Variants in RUNDC3A observed in about 807,000 individuals in gnomAD.
RUNDC3A encodes RUN domain-containing protein 3A.
In RUNDC3A, 28 loss-of-function variants were observed where a neutral mutation model predicts 53.9. The observed-to-expected ratio is 0.52, with a 90% CI of 0.38 to 0.71. RUNDC3A has a LOEUF of 0.71. Among genes scored for constraint, RUNDC3A ranks in the 30% least tolerant of loss-of-function variants. RUNDC3A has a pLI of 0.00. For missense variants in RUNDC3A, 491 were observed against 597.3 expected (o/e 0.82, Z 1.85); for synonymous variants, 232 against 249.4 (o/e 0.93, Z 0.66).
chr17:44,318,071 G>T, intron 10 of RUNDC3A, 25 bp from the exon 11 acceptor site: 1 of 1,547,976 alleles, frequency 6.5e-7, no homozygotes. Flanking sequence ...CTGGTCGCTT[G>T]GCCTCACCTG....
At chr17:44,312,522 C>A in intron 1 of RUNDC3A, 58 bp from the exon 2 acceptor site, 1 of 963,468 alleles carries the variant, frequency 1.0e-6, no homozygotes, top group Non-Finnish European at 1.6e-6. Context: ...TCTCTCCCTC[C>A]ATCACCTGTT....
At chr17:44,311,928 C>A (rs964603106) in intron 1 of RUNDC3A, among the ~76,000 whole-genome samples, 1 of 152,206 alleles carries the variant, frequency 6.6e-6, no homozygotes, top group African/African-American at 2.4e-5. Context: ...CCACCCCACC[C>A]CCGCCCAGCT....
chr17:44,315,644 G>T lies in RUNDC3A; in HGVS notation c.953+35G>T, dbSNP rs759297880. The T allele has an allele frequency of 7.7e-7, 1 of 1,307,012 alleles. No homozygotes were observed. Among genetic ancestry groups the T allele is most frequent in the African/African-American group, 1.6e-5 (1 of 63,214 alleles). The allele number at this position is 1,307,012 out of a possible 1,614,324, so 81.0% of individuals were successfully genotyped here. Reference sequence around the variant, plus strand: ...CGGCCTGCCCTAACCCCTGACCCCCGCCGCCCCGACCACATCACCGGGTGA... The same window carrying T: ...CGGCCTGCCCTAACCCCTGACCCCCTCCGCCCCGACCACATCACCGGGTGA... On this transcript the variant is annotated intron_variant, in intron 8 of 10. Coordinates refer to ENST00000426726, the MANE Select transcript of RUNDC3A (RefSeq NM_001144825.2). This position sits in a 1 kb window ranked among gnomAD's most constrained non-coding sequence, Gnocchi z 6.1.
At chr17:44,314,885 A>T in intron 5 of RUNDC3A, 44 bp from the exon 6 acceptor site, 1 of 1,613,896 alleles carries the variant, frequency 6.2e-7, no homozygotes, top group Non-Finnish European at 8.5e-7. Context: ...GTCCTACCCC[A>T]ACCCCTCACA....
intron 1 of RUNDC3A, 128 bp downstream of exon 1, chr17:44,309,067 A>G: frequency 1.5e-6 from 1 of 653,088 alleles, no homozygotes; most frequent in South Asian, 2.0e-5. Context: ...TAATGCGTCC[A>G]CTGTCCCTCC....
In RUNDC3A at chr17:44,308,756, G is replaced by C; in HGVS notation, c.-77G>C. 1.0e-6 allele frequency: 1 copy of C among 989,080 alleles called. No individual in the cohort carries two copies. The highest frequency in any genetic ancestry group is 1.5e-6 in the Non-Finnish European group (1 of 678,742). 61.3% of individuals were successfully genotyped at this position (989,080 alleles called of 1,614,324 possible). On this transcript the variant is annotated 5_prime_UTR_variant, in exon 1 of 11. Coordinates refer to ENST00000426726, the MANE Select transcript of RUNDC3A (RefSeq NM_001144825.2). ...GCCCCGTCGGACAGAGGGCCCAGCCGTGATCCAGCGACGGGTTTGGGGCTC... is the reference window on the plus strand; with the variant it reads ...GCCCCGTCGGACAGAGGGCCCAGCCCTGATCCAGCGACGGGTTTGGGGCTC...
chr17:44,316,577 A>T, intron 9 of RUNDC3A, 42 bp from the exon 10 acceptor site: 2 of 1,576,534 alleles, frequency 1.3e-6, no homozygotes, highest in South Asian at 2.3e-5. Context: ...CTGGGGAAGA[A>T]GGGCTTCCTC....
chr17:44,316,505 C>T lies in RUNDC3A; in HGVS notation c.1074C>T (p.Asn358=). The change falls in exon 9 of 11, where the codon AAC becomes AAT. Residue 358 remains asparagine (N), a synonymous_variant. Transcript: ENST00000426726. ...GTLNGAEGAS[N]SKLYRRHSFM... ...TTAATGGGGCCGAGGGCGCCAGCAA[C>T]TCCAAGCTCTACCGGAGGTAAGCCC... The T allele has an allele frequency of 6.2e-7, 1 of 1,613,060 alleles. No homozygotes were observed. The highest frequency in any genetic ancestry group is 8.5e-7 in the Non-Finnish European group (1 of 1,179,652).
intron 10 of RUNDC3A, chr17:44,317,232 A>T (rs922945911): frequency 6.8e-6 from 4 of 590,146 alleles, no homozygotes; most frequent in South Asian, 6.0e-5. Flanking sequence ...ACCCAGCATA[A>T]ATCTGGCTGT....
intron 10 of RUNDC3A, chr17:44,317,855 G>C: frequency 1.7e-6 from 1 of 593,894 alleles, no homozygotes; most frequent in Non-Finnish European, 3.0e-6. Flanking sequence ...TGGACAAAGA[G>C]AGAGGATGAC....
At chr17:44,309,425 C>T (rs2047706938) in intron 1 of RUNDC3A, among the ~76,000 whole-genome samples, 1 of 152,148 alleles carries the variant, frequency 6.6e-6, no homozygotes, top group South Asian at 2.1e-4. Context: ...GGGTCAGAGC[C>T]CATGAATCCT....
At chr17:44,310,385 AG>A (rs1482180378) in intron 1 of RUNDC3A, among the ~76,000 whole-genome samples, 3 of 152,158 alleles carry the variant, frequency 2.0e-5, no homozygotes, top group Non-Finnish European at 2.9e-5. Context: ...TCTACCTGCT[AG>A]GTTCCTCTTT....
intron 4 of RUNDC3A, 33 bp downstream of exon 4, chr17:44,313,536 C>A: frequency 6.3e-7 from 1 of 1,596,116 alleles, no homozygotes; most frequent in South Asian, 1.1e-5. Flanking sequence ...GACCACAGGT[C>A]TCAGAGTGCA....
At chr17:44,310,293 C>T (rs1303736071) in intron 1 of RUNDC3A, among the ~76,000 whole-genome samples, 2 of 151,930 alleles carry the variant, frequency 1.3e-5, no homozygotes, top group Non-Finnish European at 2.9e-5. Context: ...AAAATGGCAC[C>T]ATCCATGTAG....
At position 44,315,519 on chromosome 17, in the gene RUNDC3A, G is replaced by A; in HGVS notation, c.863G>A (p.Arg288Gln). ...AAGGACCTGGAGGCGGAGAACCGGC[G>A]GCTTCAGCTGCAGCTGGAGGAGGCG... ...QLKDLEAENR[R>Q]LQLQLEEAAA... The change falls in exon 8 of 11, where the codon CGG becomes CAG. Residue 288 changes from arginine (R) to glutamine (Q), a missense_variant. By Grantham distance (43) the Arg-to-Gln change is conservative. Transcript: ENST00000426726. The surrounding 1 kb of genome is among the most constrained non-coding windows in gnomAD (Gnocchi z 6.1). 1.3e-6 allele frequency: 2 copies of A among 1,517,052 alleles called. No individual in the cohort carries two copies. The highest frequency in any genetic ancestry group is 1.2e-5 in the South Asian group (1 of 80,614). The allele number at this position is 1,517,052 out of a possible 1,614,324, so 94.0% of individuals were successfully genotyped here. A position where few individuals can be genotyped will look rare whatever the true frequency, so the allele number is the denominator to read the frequency against.
chr17:44,314,352 C>T (rs1428923249), intron 4 of RUNDC3A: 2 of 1,045,532 alleles, frequency 1.9e-6, no homozygotes, highest in Non-Finnish European at 2.3e-6. Flanking sequence ...ATTGGCCATA[C>T]CCAGCCTGAT....
At chr17:44,314,197 A>G (rs1190383431) in intron 4 of RUNDC3A, 1 of 997,960 alleles carries the variant, frequency 1.0e-6, no homozygotes, top group Non-Finnish European at 1.2e-6. Flanking sequence ...CAGAGTCCTT[A>G]TATGGGGAGT....
Position 44,318,278 on chromosome 17 carries a change from C to A in RUNDC3A, c.*40C>A. ...AGTGCCAGCCCCACCTGCCAGGGGC[C>A]ATGGACACCTGCCACCTTTCTTCAA... On this transcript the variant is annotated 3_prime_UTR_variant, in exon 11 of 11. Transcript: ENST00000426726. 1 of 1,528,368 alleles carries A rather than the reference C, an allele frequency of 6.5e-7. No individual in the cohort carries two copies. The highest frequency in any genetic ancestry group is 2.0e-5 in the Admixed American group (1 of 50,654). The allele number at this position is 1,528,368 out of a possible 1,614,324, so 94.7% of individuals were successfully genotyped here. A position where few individuals can be genotyped will look rare whatever the true frequency, so the allele number is the denominator to read the frequency against.
chr17:44,314,298 G>A (rs2047809059), intron 4 of RUNDC3A: 1 of 1,022,206 alleles, frequency 9.8e-7, no homozygotes. Context: ...AGGTGCATCT[G>A]AAGCTGTCTG....
Sources: gnomAD v4.1 joint callset for allele counts (sites outside exome capture counted in the v4.1 genomes callset) on GRCh38, gnomAD v4.1.1 for gene constraint, Gnocchi (gnomAD v3.1) non-coding constraint, MANE v1.5 for transcripts, NCBI Gene and HGNC (gene_info 2026-07-23, HGNC 2026-07-21) for gene names.